RNF213: variants seen among roughly 807,000 people sequenced by gnomAD.
The protein encoded by RNF213 is E3 ubiquitin-protein ligase RNF213.
In RNF213, 341 loss-of-function variants were observed where a neutral mutation model predicts 514.4. The observed-to-expected ratio is 0.66, with a 90% CI of 0.61 to 0.73. The LOEUF is 0.73. Ranked by LOEUF, RNF213 falls within the 30% of genes least tolerant of loss-of-function variation. RNF213 has a pLI of 0.00. For missense variants in RNF213, 5,767 were observed against 6,615.6 expected, an observed-to-expected ratio of 0.87 and a Z score of 4.45; for synonymous variants, 2,655 against 2,658.2, an observed-to-expected ratio of 1.00 and a Z score of 0.04.
chr17:80,300,099 G>A (rs1215812645), intron 11 of RNF213, among the ~76,000 whole-genome samples: 1 of 152,146 alleles, frequency 6.6e-6, no homozygotes, highest in East Asian at 1.9e-4. Flanking sequence ...TTGCTGCGGT[G>A]AATGGTATTT....
Position 80,369,668 on chromosome 17 carries a change from CA to C in RNF213, c.12323del (p.Gln4108ArgfsTer26). Reference sequence around the variant, plus strand: ...AAAGGGGCGCTTAAGAGATGCTGCCCAGAGTAGGTTGCTTTCTTCCTGTAAA... The same window carrying C: ...AAAGGGGCGCTTAAGAGATGCTGCCCGAGTAGGTTGCTTTCTTCCTGTAAA... ...VQKGRLRDAAQRHCEHTKSLS... is the reference protein window; with the variant it reads ...VQKGRLRDAAXRHCEHTKSLS... On this transcript the variant is annotated frameshift_variant and splice_region_variant, in exon 45 of 68. Coordinates refer to ENST00000582970, the MANE Select transcript of RNF213 (RefSeq NM_001256071.3). LOFTEE classifies it high-confidence loss of function. The C allele has an allele frequency of 1.9e-6, 3 of 1,614,210 alleles. No individual in the cohort carries two copies. Among genetic ancestry groups the C allele is most frequent in the Non-Finnish European group, 2.5e-6 (3 of 1,180,048 alleles).
rs547268084 is a variant in RNF213, at chr17:80,359,991, G to A, written c.11055-70G>A. 407 of 1,521,590 alleles carry A rather than the reference G, an allele frequency of 2.7e-4. 1 individual carries two copies. Among genetic ancestry groups the A allele is most frequent in the Admixed American group, 4.2e-4 (25 of 59,190 alleles). 94.3% of individuals were successfully genotyped at this position (1,521,590 alleles called of 1,614,324 possible). ...GGTCTGAGAAGAGCTGGCATCAGTG[G>A]CAGATCTTATCTTGTGTTTTGAGTG... On this transcript the variant is annotated intron_variant, in intron 37 of 67. Coordinates refer to ENST00000582970, the MANE Select transcript of RNF213 (RefSeq NM_001256071.3).
chr17:80,369,524 C>T lies in RNF213; in HGVS notation c.12178C>T (p.Arg4060Cys), dbSNP rs144719362. The T allele has an allele frequency of 4.1e-4, 667 of 1,613,812 alleles. No individual in the cohort carries two copies. Among genetic ancestry groups the T allele is most frequent in the Non-Finnish European group, 5.2e-4 (613 of 1,180,034 alleles). ...AHREAIEKHA[R>C]FRQMCNSFFV... ...AAGGGAAGCCATTGAAAAGCATGCCCGCTTCCGGCAGATGTGCAACAGTTT... is the reference window on the plus strand; with the variant it reads ...AAGGGAAGCCATTGAAAAGCATGCCTGCTTCCGGCAGATGTGCAACAGTTT... The change falls in exon 45 of 68, where the codon CGC becomes TGC. Residue 4060 changes from arginine to cysteine, a missense_variant. Physicochemically the swap from Arg to Cys is radical, Grantham distance 180. Transcript: ENST00000582970.
chr17:80,288,052 A>G lies in RNF213; in HGVS notation c.499A>G (p.Thr167Ala), dbSNP rs2044541124. 1.2e-6 allele frequency: 2 copies of G among 1,606,424 alleles called. No homozygotes were observed. The highest frequency in any genetic ancestry group is 1.6e-4 in the Middle Eastern group (1 of 6,066). Residue 167 changes from threonine to alanine, a missense_variant, in exon 4 of 68, where the codon ACC (threonine) becomes GCC (alanine). By Grantham distance (58) the Thr-to-Ala change is moderately conservative (BLOSUM62 0). This residue lies in a region of RNF213 where 509 missense variants were observed against 496.7 expected (regional missense o/e 1.02). Coordinates refer to ENST00000582970, the MANE Select transcript of RNF213 (RefSeq NM_001256071.3). This position sits in a 1 kb window ranked among gnomAD's most constrained non-coding sequence, Gnocchi z 4.9. The stretch of plus-strand genomic sequence containing the variant: ...GGAGGGTGACGGCCTCTCCGCGCCC[A>G]CCGAGGTTGGCGACAGCCCCCTGCA... The part of the protein sequence containing the change: ...PLEGDGLSAP[T>A]EVGDSPLQAQ...
chr17:80,288,062 G>A lies in RNF213; in HGVS notation c.509G>A (p.Gly170Asp). The change falls in exon 4 of 68, where the codon GGC becomes GAC. Residue 170 changes from glycine (G) to aspartate (D), a missense_variant. This residue lies in a region of RNF213 where 509 missense variants were observed against 496.7 expected (regional missense o/e 1.02). Coordinates refer to ENST00000582970, the MANE Select transcript of RNF213 (RefSeq NM_001256071.3). The surrounding 1 kb of genome is among the most constrained non-coding windows in gnomAD (Gnocchi z 4.9). ...GDGLSAPTEV[G>D]DSPLQAQALG... is the part of the protein sequence containing the mutation. Reference sequence around the variant, plus strand: ...GGCCTCTCCGCGCCCACCGAGGTTGGCGACAGCCCCCTGCAGGCCCAGGCT... The same window carrying A: ...GGCCTCTCCGCGCCCACCGAGGTTGACGACAGCCCCCTGCAGGCCCAGGCT... 6.2e-7 allele frequency: 1 copy of A among 1,608,096 alleles called. No individual in the cohort carries two copies. The highest frequency in any genetic ancestry group is 8.5e-7 in the Non-Finnish European group (1 of 1,176,750).
At position 80,288,519 on chromosome 17, in the gene RNF213, G is replaced by T; in HGVS notation, c.811-114G>T. 6.2e-7 allele frequency: 1 copy of T among 1,604,304 alleles called. No individual in the cohort carries two copies. The highest frequency in any genetic ancestry group is 8.5e-7 in the Non-Finnish European group (1 of 1,173,504). On this transcript the variant is annotated intron_variant, in intron 4 of 67. Coordinates refer to ENST00000582970, the MANE Select transcript of RNF213 (RefSeq NM_001256071.3). This position sits in a 1 kb window ranked among gnomAD's most constrained non-coding sequence, Gnocchi z 4.9. ...GTCGGAGGGCTGCCCCTCCACTGGG[G>T]ATGCCAGCCCACCCTGTCCCTCGGC...
rs571054816 is a variant in RNF213 at position 80,264,659 on chromosome 17, C to T, written c.97+881C>T. On this transcript the variant is annotated intron_variant, in intron 2 of 67. Transcript: ENST00000582970. The surrounding 1 kb of genome is among the most constrained non-coding windows in gnomAD (Gnocchi z 5.0). ...CACATGCAGAGGGCCCTGCTGGTCT[C>T]CCCGCCTCCACGCTGCATGCTGCCT... Among the ~76,000 whole-genome samples, 81 of 152,236 alleles carry T rather than the reference C, an allele frequency of 5.3e-4. No homozygotes were observed. The highest frequency in any genetic ancestry group is 9.7e-4 in the Non-Finnish European group (66 of 68,034).
chr17:80,360,988 A>G (rs1211876523), intron 38 of RNF213, among the ~76,000 whole-genome samples: 1 of 152,046 alleles, frequency 6.6e-6, no homozygotes, highest in Non-Finnish European at 1.5e-5. Context: ...CACCCCGCCC[A>G]CTAGAAGCCA....
chr17:80,266,635 G>A (rs187609658), intron 2 of RNF213, among the ~76,000 whole-genome samples: 61 of 151,988 alleles, frequency 4.0e-4, no homozygotes, highest in African/African-American at 1.3e-3. Context: ...CCAAGTAGCG[G>A]GGATTACAGG....
rs1334061555 is a variant in RNF213 at position 80,288,160 on chromosome 17, G to A, written c.607G>A (p.Glu203Lys). 2 of 1,611,104 alleles carry A rather than the reference G, an allele frequency of 1.2e-6. No individual in the cohort carries two copies. The highest frequency in any genetic ancestry group is 1.7e-6 in the Non-Finnish European group (2 of 1,178,346). The change falls in exon 4 of 68, where the codon GAG (glutamate) becomes AAG (lysine). Residue 203 changes from glutamate (E) to lysine (K), a missense_variant. By Grantham distance (56) the Glu-to-Lys change is moderately conservative (BLOSUM62 1). Transcript: ENST00000582970. This position sits in a 1 kb window ranked among gnomAD's most constrained non-coding sequence, Gnocchi z 4.9. ...GCAATTCCAGGACCACACGGAAGGG[G>A]AGGACCAGGACGCTTCCATCCCCTC... ...SPQFQDHTEG[E>K]DQDASIPSGG...
At chr17:80,306,117 C>A in intron 11 of RNF213, 135 bp from the exon 12 acceptor site, 1 of 848,134 alleles carries the variant, frequency 1.2e-6, no homozygotes, top group Non-Finnish European at 1.9e-6. Context: ...TGTGAGCCAC[C>A]ACGCCTGCCC....
intron 49 of RNF213, among the ~76,000 whole-genome samples, chr17:80,374,079 C>A (rs1042559355): frequency 4.0e-5 from 6 of 150,956 alleles, no homozygotes; most frequent in Non-Finnish European, 5.9e-5. Context: ...TTAACAAATT[C>A]TTATTGTCCA....
At chr17:80,344,597 G>C in intron 28 of RNF213, 81 bp from the exon 29 acceptor site, 1 of 1,478,182 alleles carries the variant, frequency 6.8e-7, no homozygotes, top group South Asian at 1.1e-5. Flanking sequence ...ATCCAATATA[G>C]ATAACGTGGA....
At position 80,386,856 on chromosome 17, in the gene RNF213, C is replaced by T. The variant is rs772035323; in HGVS notation, c.14887C>T (p.Arg4963Cys). 9 of 1,613,760 alleles carry T rather than the reference C, an allele frequency of 5.6e-6. No homozygotes were observed. Among genetic ancestry groups the T allele is most frequent in the East Asian group, 4.5e-5 (2 of 44,882 alleles). The change falls in exon 63 of 68, where the codon CGC (arginine) becomes TGC (cysteine). Residue 4963 changes from arginine (R) to cysteine (C), a missense_variant. By Grantham distance (180) the Arg-to-Cys change is radical. Around this residue, in one of 13 missense-constraint regions of RNF213, gnomAD observed 1,245 missense variants for 1,339.0 expected, o/e 0.93. Coordinates refer to ENST00000582970, the MANE Select transcript of RNF213 (RefSeq NM_001256071.3). The part of the protein sequence containing the change: ...LEKIQRQIVS[R>C]FLQGKPRLSL... ...GAAGATTCAGCGGCAGATCGTCAGCCGCTTCCTCCAGGGCAAGCCCCGGCT... is the reference window on the plus strand; with the variant it reads ...GAAGATTCAGCGGCAGATCGTCAGCTGCTTCCTCCAGGGCAAGCCCCGGCT...
Position 80,349,752 on chromosome 17 carries a change from CAT to C in RNF213, c.9952-17_9952-16del. 6.2e-7 allele frequency: 1 copy of C among 1,613,640 alleles called. No individual in the cohort carries two copies. Among genetic ancestry groups the C allele is most frequent in the Non-Finnish European group, 8.5e-7 (1 of 1,179,550 alleles). Reference sequence around the variant, plus strand: ...TCCTTGAAGTCTGGCAAGTAATTTGCATTTCTTAACTCTGTAGATCACCACTT... The same window carrying C: ...TCCTTGAAGTCTGGCAAGTAATTTGCTTCTTAACTCTGTAGATCACCACTT... On this transcript the variant is annotated splice_polypyrimidine_tract_variant and intron_variant, in intron 29 of 67. Transcript: ENST00000582970.
At chr17:80,357,801 C>A (rs1192274192) in intron 36 of RNF213, among the ~76,000 whole-genome samples, 1 of 152,140 alleles carries the variant, frequency 6.6e-6, no homozygotes, top group Non-Finnish European at 1.5e-5. Context: ...CATAGTGAGA[C>A]CCCATCTCAA....
rs1191676506 is a variant in RNF213, at chr17:80,337,489, C to T, written c.4528-97C>T. 14 of 1,466,142 alleles carry T rather than the reference C, an allele frequency of 9.5e-6. No individual in the cohort carries two copies. The Admixed American group carries it at 2.5e-4, about 26-fold the overall frequency. 90.8% of individuals were successfully genotyped at this position (1,466,142 alleles called of 1,614,324 possible). A position where few individuals can be genotyped will look rare whatever the true frequency, so the allele number is the denominator to read the frequency against. ...CCTGGGGAAGCGTGGGGAGAAGGCTCTGCAGCGAGGCAGAGGCGGGAGGCC... is the reference window on the plus strand; with the variant it reads ...CCTGGGGAAGCGTGGGGAGAAGGCTTTGCAGCGAGGCAGAGGCGGGAGGCC... On this transcript the variant is annotated intron_variant, in intron 23 of 67. Transcript: ENST00000582970.
chr17:80,291,864 G>A (rs369375903), intron 8 of RNF213, 37 bp downstream of exon 8: 27 of 1,610,284 alleles, frequency 1.7e-5, no homozygotes, highest in Non-Finnish European at 2.0e-5. Flanking sequence ...TCACCCCTCC[G>A]GAGTGCAGGT....
rs889282617 is a variant in RNF213 at position 80,396,742 on chromosome 17, C to T, written c.*3244C>T. ...AAGTGCATTTCCCCCCCACCCCCCC[C>T]CCCCAACCAGAGCAACTTTGGTCAG... On this transcript the variant is annotated 3_prime_UTR_variant, in exon 68 of 68. Transcript: ENST00000582970. 3.6e-5 allele frequency: 4 copies of T among 109,600 alleles called. No homozygotes were observed. Among genetic ancestry groups the T allele is most frequent in the African/African-American group, 1.2e-4 (4 of 32,536 alleles). The allele number at this position is 109,600 out of a possible 1,614,324, so 6.8% of individuals were successfully genotyped here.
Sources: allele counts gnomAD v4.1 joint callset (sites outside exome capture counted in the v4.1 genomes callset), GRCh38; gene constraint gnomAD v4.1.1; regional missense constraint gnomAD v4.1.1; non-coding constraint Gnocchi (gnomAD v3.1); transcripts MANE v1.5; gene names NCBI Gene and HGNC (gene_info 2026-07-23, HGNC 2026-07-21).